GRID1: variants seen among roughly 807,000 people sequenced by gnomAD.
GRID1 encodes glutamate ionotropic receptor delta type subunit 1.
A neutral mutation model predicts 98.0 loss-of-function variants in GRID1; 28 were observed. The observed-to-expected ratio is 0.29, with a 90% confidence interval of 0.21 to 0.39. The LOEUF (loss-of-function observed/expected upper bound fraction) is 0.39. GRID1 is among the 10% of genes least tolerant of loss of function. GRID1 has a pLI of 1.00. For synonymous variants in GRID1, 553 were observed against 538.5 expected (o/e 1.03, Z -0.37); for missense variants, 1,111 against 1,340.5 (o/e 0.83, Z 2.67).
At chr10:85,708,113 T>TAAAAAAAAAAAAA (rs768805148) in intron 12 of GRID1, among the ~76,000 whole-genome samples, 1 of 120,930 alleles carries the variant, frequency 8.3e-6, no homozygotes. Context: ...TAAAGTATAA[T>TAAAAAAAAAAAAA]AAAAAAAAAA....
At position 85,776,059 on chromosome 10, in the gene GRID1, A is replaced by G. The variant is rs1218969505; in HGVS notation, c.1234-46445T>C. ...AAAAGCATTGGTGGTCTCATTAGTTAGCCAGATGGTCTAGTTAGAAGCCAT... is the reference window on the plus strand; with the variant it reads ...AAAAGCATTGGTGGTCTCATTAGTTGGCCAGATGGTCTAGTTAGAAGCCAT... On this transcript the variant is annotated intron_variant, in intron 8 of 15. Transcript: ENST00000327946. 7.2e-5 allele frequency among the ~76,000 whole-genome samples: 11 copies of G among 152,208 alleles called. 1 individual carries two copies. Among genetic ancestry groups the G allele is most frequent in the African/African-American group, 2.6e-4 (11 of 41,552 alleles).
At chr10:85,634,530 ACAG>A (rs1843014541) in intron 13 of GRID1, among the ~76,000 whole-genome samples, 3 of 152,196 alleles carry the variant, frequency 2.0e-5, no homozygotes, top group African/African-American at 7.2e-5. Context: ...GTAGAAAGAG[ACAG>A]CTAATTTTCA....
intron 12 of GRID1, among the ~76,000 whole-genome samples, chr10:85,703,803 G>A (rs1841481774): frequency 6.6e-6 from 1 of 151,932 alleles, no homozygotes; most frequent in African/African-American, 2.4e-5. Context: ...AATAACTATC[G>A]ATAGTTAAAA....
At chr10:85,780,546 A>G (rs900699957) in intron 8 of GRID1, among the ~76,000 whole-genome samples, 1 of 152,182 alleles carries the variant, frequency 6.6e-6, no homozygotes, top group African/African-American at 2.4e-5. Context: ...TAGGATGTGG[A>G]TGATAATCCC....
chr10:85,873,103 G>T lies in GRID1; in HGVS notation c.781-3923C>A, dbSNP rs1007442758. 3.3e-5 allele frequency among the ~76,000 whole-genome samples: 5 copies of T among 152,270 alleles called. No homozygotes were observed. In the East Asian group the frequency reaches 9.7e-4, roughly 29 times the overall value. On this transcript the variant is annotated intron_variant, in intron 5 of 15. Transcript: ENST00000327946. ...CTGGGTCTCTTGTAGTGCCACAGGG[G>T]TGAGTATAGGGATGCATCCACTCCC...
intron 4 of GRID1, among the ~76,000 whole-genome samples, chr10:86,033,902 G>A (rs1468211354): frequency 2.0e-5 from 3 of 152,208 alleles, no homozygotes; most frequent in Non-Finnish European, 4.4e-5. Flanking sequence ...CCAATCAGAG[G>A]GTGTCACCCT....
chr10:85,831,217 A>G (rs992873851), intron 8 of GRID1, among the ~76,000 whole-genome samples: 2 of 152,142 alleles, frequency 1.3e-5, no homozygotes, highest in Non-Finnish European at 2.9e-5. Flanking sequence ...AACAGAAAAC[A>G]AAATACTATG....
chr10:86,245,597 T>G (rs1309865706), intron 2 of GRID1, among the ~76,000 whole-genome samples: 1 of 152,180 alleles, frequency 6.6e-6, no homozygotes, highest in Non-Finnish European at 1.5e-5. Context: ...CATTCCTTGG[T>G]GGCCTCTGCA....
At chr10:85,837,124 C>T (rs1430837251) in intron 8 of GRID1, among the ~76,000 whole-genome samples, 9 of 152,022 alleles carry the variant, frequency 5.9e-5, no homozygotes, top group African/African-American at 2.2e-4. Context: ...ACAGAGCCTT[C>T]GTGGCACACA....
At chr10:86,132,459 A>G (rs760619260) in intron 4 of GRID1, among the ~76,000 whole-genome samples, 2 of 152,262 alleles carry the variant, frequency 1.3e-5, no homozygotes, top group Non-Finnish European at 2.9e-5. Flanking sequence ...CACTTTTGCT[A>G]AAGTGCTAAG....
At chr10:85,604,327 C>T (rs1444340063) in intron 15 of GRID1, among the ~76,000 whole-genome samples, 1 of 152,170 alleles carries the variant, frequency 6.6e-6, no homozygotes, top group African/African-American at 2.4e-5. Flanking sequence ...GGACAACTGA[C>T]AAGTCATTCC....
At chr10:85,908,553 G>A (rs1841493309) in intron 5 of GRID1, among the ~76,000 whole-genome samples, 1 of 152,110 alleles carries the variant, frequency 6.6e-6, no homozygotes, top group Non-Finnish European at 1.5e-5. Flanking sequence ...AAATAATTAG[G>A]AAGATATGTC....
chr10:86,214,801 G>A lies in GRID1; in HGVS notation c.236-8153C>T, dbSNP rs541853102. ...TGGGAATTGCTTGAACCCAGGAGGCGGAGGTTGCAGTAAGCCAAGATAGTG... is the reference window on the plus strand; with the variant it reads ...TGGGAATTGCTTGAACCCAGGAGGCAGAGGTTGCAGTAAGCCAAGATAGTG... On this transcript the variant is annotated intron_variant, in intron 2 of 15. Coordinates refer to ENST00000327946, the MANE Select transcript of GRID1 (RefSeq NM_017551.3). Among the ~76,000 whole-genome samples the A allele has an allele frequency of 1.1e-4, 17 of 152,310 alleles. No individual in the cohort carries two copies. The East Asian group carries it at 2.5e-3, about 22-fold the overall frequency.
Position 86,276,524 on chromosome 10 carries a change from T to TG in GRID1, c.236-69877dup, listed in dbSNP as rs1847271653. Among the ~76,000 whole-genome samples the TG allele has an allele frequency of 2.0e-5, 3 of 150,634 alleles. No homozygotes were observed. In the South Asian group the frequency reaches 6.4e-4, roughly 32 times the overall value. On this transcript the variant is annotated intron_variant, in intron 2 of 15. Transcript: ENST00000327946. ...ACGACTTTTTTTTTTTTTTTGGAGA[T>TG]GGGGGTCTCACTTTGTCACCCAGGC...
intron 4 of GRID1, among the ~76,000 whole-genome samples, chr10:86,008,113 C>A (rs531522535): frequency 1.2e-4 from 18 of 152,242 alleles, no homozygotes; most frequent in African/African-American, 4.1e-4. Flanking sequence ...CCCCTGTTGG[C>A]CTGATTACCC....
intron 2 of GRID1, among the ~76,000 whole-genome samples, chr10:86,319,049 G>A (rs1564737606): frequency 6.6e-6 from 1 of 152,154 alleles, no homozygotes; most frequent in Admixed American, 6.5e-5. Flanking sequence ...CAGAAAGGGC[G>A]TTCAGGGTGG....
intron 4 of GRID1, among the ~76,000 whole-genome samples, chr10:85,945,668 A>G (rs569817673): frequency 1.3e-4 from 20 of 152,336 alleles, no homozygotes; most frequent in African/African-American, 4.3e-4. Flanking sequence ...GTTCCTACAC[A>G]TGGGCTAGAA....
intron 4 of GRID1, among the ~76,000 whole-genome samples, chr10:85,942,045 G>A (rs1192481457): frequency 6.6e-5 from 10 of 152,106 alleles, no homozygotes; most frequent in Admixed American, 1.3e-4. Context: ...CCTGCCCTCC[G>A]TCTTCAGGAT....
chr10:86,018,756 C>G (rs1843011809), intron 4 of GRID1, among the ~76,000 whole-genome samples: 1 of 152,232 alleles, frequency 6.6e-6, no homozygotes, highest in Non-Finnish European at 1.5e-5. Flanking sequence ...CCTTCCAGCT[C>G]CATCTCCCTG....
Sources: allele counts gnomAD v4.1 joint callset (sites outside exome capture counted in the v4.1 genomes callset), GRCh38; gene constraint gnomAD v4.1.1; transcripts MANE v1.5; gene names NCBI Gene and HGNC (gene_info 2026-07-23, HGNC 2026-07-21).